GRM1: variants seen among roughly 807,000 people sequenced by gnomAD.
GRM1 encodes the protein glutamate metabotropic receptor 1, also known as metabotropic glutamate receptor 1.
Under a neutral mutation model 90.9 loss-of-function variants are expected in GRM1, and 33 were observed. The observed-to-expected ratio is 0.36, with a 90% CI of 0.28 to 0.49. The LOEUF (loss-of-function observed/expected upper bound fraction) is 0.49, where lower values mean the gene tolerates loss of function less well. Ranked by LOEUF, GRM1 falls within the 20% of genes least tolerant of loss-of-function variation. The pLI is 0.99. For missense variants in GRM1, 1,190 were observed against 1,534.3 expected, an observed-to-expected ratio of 0.78 and a Z score of 3.75; for synonymous variants, 700 against 613.2, an observed-to-expected ratio of 1.14 and a Z score of -2.09.
chr6:146,140,739 A>C (rs1224796501), intron 1 of GRM1, among the ~76,000 whole-genome samples: 1 of 152,160 alleles, frequency 6.6e-6, no homozygotes, highest in Non-Finnish European at 1.5e-5. Context: ...CTGCTTTTTA[A>C]CTTTGTTGAA....
At chr6:146,276,335 A>G (rs143193995) in intron 2 of GRM1, among the ~76,000 whole-genome samples, 25 of 152,288 alleles carry the variant, frequency 1.6e-4, no homozygotes, top group African/African-American at 5.8e-4. Flanking sequence ...GAGAAAAGAA[A>G]TTATGGCATT....
chr6:146,053,059 A>G (rs1775351043), intron 1 of GRM1, among the ~76,000 whole-genome samples: 2 of 152,074 alleles, frequency 1.3e-5, no homozygotes, highest in African/African-American at 4.8e-5. Flanking sequence ...AGATTCTGTA[A>G]CATAGTTCTC....
intron 2 of GRM1, among the ~76,000 whole-genome samples, chr6:146,160,125 AGATATCAGTG>A (rs1372006472): frequency 6.6e-6 from 1 of 152,180 alleles, no homozygotes; most frequent in African/African-American, 2.4e-5. Context: ...CATCTTATTG[AGATATCAGTG>A]GATAAAGGAC....
chr6:146,036,240 G>A (rs998030562), intron 1 of GRM1, among the ~76,000 whole-genome samples: 1 of 151,874 alleles, frequency 6.6e-6, no homozygotes, highest in African/African-American at 2.4e-5. Context: ...CAGAGGGCTG[G>A]GGAACCACAT....
chr6:146,362,274 A>G (rs1775508221), intron 5 of GRM1, among the ~76,000 whole-genome samples: 1 of 152,210 alleles, frequency 6.6e-6, no homozygotes, highest in Non-Finnish European at 1.5e-5. Context: ...GTTTCTCCTC[A>G]TTTACACATG....
chr6:146,092,640 C>G (rs1250515959), intron 1 of GRM1, among the ~76,000 whole-genome samples: 1 of 152,012 alleles, frequency 6.6e-6, no homozygotes, highest in Non-Finnish European at 1.5e-5. Flanking sequence ...TTCTGACTCT[C>G]CCCACACTGA....
intron 7 of GRM1, among the ~76,000 whole-genome samples, chr6:146,401,104 C>A (rs1446741718): frequency 6.6e-6 from 1 of 152,022 alleles, no homozygotes; most frequent in African/African-American, 2.4e-5. Context: ...CAAGAAGCAA[C>A]GTGGGCATCT....
chr6:146,080,448 T>C (rs1354442673), intron 1 of GRM1, among the ~76,000 whole-genome samples: 1 of 152,084 alleles, frequency 6.6e-6, no homozygotes, highest in Non-Finnish European at 1.5e-5. Context: ...GATGTAAAAA[T>C]ACACGTGACA....
chr6:146,114,710 A>T (rs1365842473), intron 1 of GRM1, among the ~76,000 whole-genome samples: 1 of 152,160 alleles, frequency 6.6e-6, no homozygotes, highest in East Asian at 1.9e-4. Flanking sequence ...AAAGGAATGT[A>T]TTAAAATTAT....
intron 3 of GRM1, among the ~76,000 whole-genome samples, chr6:146,337,352 T>A (rs1264020337): frequency 3.9e-5 from 6 of 152,208 alleles, no homozygotes; most frequent in Admixed American, 6.5e-5. Context: ...TTTAATTTTT[T>A]AAAAAATTGG....
rs867772813 is a variant in GRM1, at chr6:146,388,888, G to A, written c.1729+1872G>A. On this transcript the variant is annotated intron_variant, in intron 6 of 7. Coordinates refer to ENST00000282753, the MANE Select transcript of GRM1 (RefSeq NM_001278064.2). The stretch of plus-strand genomic sequence containing the variant: ...AAGAAGGGACTCACCCAGGGTCATC[G>A]AGGTCAATGCAGTTGGTTAATAGAA... Among the ~76,000 whole-genome samples the A allele has an allele frequency of 4.6e-5, 7 of 152,146 alleles. No individual in the cohort carries two copies. The Middle Eastern group carries it at 0.01, about 222-fold the overall frequency.
At position 146,045,749 on chromosome 6, in the gene GRM1, C is replaced by CAA. The variant is rs58055832; in HGVS notation, c.700+15559_700+15560dup. 8.4e-4 allele frequency among the ~76,000 whole-genome samples: 73 copies of CAA among 87,402 alleles called. 1 individual carries two copies. The highest frequency in any genetic ancestry group is 1.1e-3 in the Non-Finnish European group (48 of 45,134). 57.3% of individuals were successfully genotyped at this position (87,402 alleles called of 152,430 possible). On this transcript the variant is annotated intron_variant, in intron 1 of 7. Coordinates refer to ENST00000282753, the MANE Select transcript of GRM1 (RefSeq NM_001278064.2). Reference sequence around the variant, plus strand: ...TCTTTCTCACCAAAGTGGAATACAGCAAAAAAAAAAAAAAAAAAAAAAAAA... The same window carrying CAA: ...TCTTTCTCACCAAAGTGGAATACAGCAAAAAAAAAAAAAAAAAAAAAAAAAAA...
At chr6:146,182,913 T>C (rs2114552246) in intron 2 of GRM1, among the ~76,000 whole-genome samples, 2 of 152,226 alleles carry the variant, frequency 1.3e-5, no homozygotes, top group East Asian at 3.9e-4. Context: ...TTTGTTGAAT[T>C]TGTTCAATTT....
intron 5 of GRM1, among the ~76,000 whole-genome samples, chr6:146,364,758 C>A (rs889140253): frequency 1.3e-5 from 2 of 149,404 alleles, no homozygotes; most frequent in African/African-American, 5.1e-5. Flanking sequence ...CTCTGTCTGT[C>A]TTTCTCCCTC....
intron 2 of GRM1, among the ~76,000 whole-genome samples, chr6:146,242,801 TC>T (rs1406155780): frequency 1.3e-5 from 2 of 152,142 alleles, no homozygotes; most frequent in African/African-American, 4.8e-5. Flanking sequence ...TTTCCCCTCC[TC>T]TTTAAAAAAG....
At chr6:146,128,280 G>A (rs1473354187) in intron 1 of GRM1, among the ~76,000 whole-genome samples, 1 of 152,230 alleles carries the variant, frequency 6.6e-6, no homozygotes, top group African/African-American at 2.4e-5. Context: ...TATCCCTGGG[G>A]CCATCTTTAG....
chr6:146,375,369 C>T (rs1224133789), intron 5 of GRM1, among the ~76,000 whole-genome samples: 1 of 151,866 alleles, frequency 6.6e-6, no homozygotes, highest in East Asian at 1.9e-4. Flanking sequence ...GTGTATTCTG[C>T]AGCTCTTAGA....
In GRM1 at chr6:146,399,715, T is replaced by G. The variant is rs981192070; in HGVS notation, c.2660+16T>G. On this transcript the variant is annotated intron_variant, in intron 7 of 7. Transcript: ENST00000282753. The surrounding 1 kb of genome is among the most constrained non-coding windows in gnomAD (Gnocchi z 5.4). ...GGAATGCCAAGTGAGTTATCTGACC[T>G]GTTTGTCTCTCTTTTCTCTTCCTTT... The G allele has an allele frequency of 1.9e-5, 29 of 1,537,948 alleles. No homozygotes were observed. Among genetic ancestry groups the G allele is most frequent in the Middle Eastern group, 2.0e-4 (1 of 4,980 alleles).
intron 5 of GRM1, among the ~76,000 whole-genome samples, chr6:146,382,800 T>C (rs1776363842): frequency 6.6e-6 from 1 of 152,182 alleles, no homozygotes. Context: ...ATTTATTGGC[T>C]GTGTGTTATT....
Sources: allele counts gnomAD v4.1 joint callset (sites outside exome capture counted in the v4.1 genomes callset), GRCh38; gene constraint gnomAD v4.1.1; non-coding constraint Gnocchi (gnomAD v3.1); transcripts MANE v1.5; gene names NCBI Gene and HGNC (gene_info 2026-07-23, HGNC 2026-07-21).